HARBI1: variants seen among roughly 807,000 people sequenced by gnomAD.
HARBI1 encodes the protein putative nuclease HARBI1.
Under a neutral mutation model 25.3 loss-of-function variants are expected in HARBI1, and 15 were observed. The observed-to-expected ratio is 0.59, with a 90% CI of 0.40 to 0.91. The LOEUF is 0.91. HARBI1 is among the 40% of genes least tolerant of loss of function. The pLI is 0.00. For missense variants in HARBI1, 396 were observed against 445.8 expected (o/e 0.89, Z 1.01); for synonymous variants, 168 against 160.5 (o/e 1.05, Z -0.35).
intron 2 of HARBI1, among the ~76,000 whole-genome samples, chr11:46,609,804 C>G: frequency 6.9e-6 from 1 of 145,856 alleles, no homozygotes; most frequent in Non-Finnish European, 1.5e-5. Flanking sequence ...CTGGGCAACA[C>G]AGTGAGACCC....
intron 2 of HARBI1, among the ~76,000 whole-genome samples, chr11:46,614,957 G>A (rs1441963877): frequency 2.0e-5 from 3 of 152,064 alleles, no homozygotes; most frequent in Non-Finnish European, 4.4e-5. Context: ...TTGTTGCCCA[G>A]GCTAGAGTGC....
chr11:46,615,445 T>C (rs927691652), intron 2 of HARBI1, 123 bp downstream of exon 2: 2 of 757,544 alleles, frequency 2.6e-6, no homozygotes, highest in African/African-American at 3.5e-5. Context: ...CTCCAGCTCT[T>C]GACCTCAGGT....
At chr11:46,617,017 C>T in intron 1 of HARBI1, 107 bp downstream of exon 1, 1 of 985,234 alleles carries the variant, frequency 1.0e-6, no homozygotes, top group Non-Finnish European at 1.2e-6. Context: ...AGAGGCTGGC[C>T]GAACCAGGTT....
At chr11:46,609,834 A>T (rs2045103483) in intron 2 of HARBI1, among the ~76,000 whole-genome samples, 1 of 150,470 alleles carries the variant, frequency 6.6e-6, no homozygotes, top group Non-Finnish European at 1.5e-5. Context: ...AAAAAAAAAA[A>T]TAAATAAATA....
intron 2 of HARBI1, chr11:46,604,247 G>A (rs2044855725): frequency 1.9e-5 from 19 of 983,466 alleles, no homozygotes; most frequent in Non-Finnish European, 2.2e-5. Flanking sequence ...GGTGACTCAC[G>A]CCTGTAATGA....
At position 46,615,685 on chromosome 11, in the gene HARBI1, T is replaced by C; in HGVS notation, c.553A>G (p.Thr185Ala). ...NCLMVCDIRG[T>A]LMTVETNWPG... ...CAGTTTGTCTCCACGGTCATTAGTG[T>C]CCCTCTAATGTCACACACCATCAGG... Residue 185 changes from threonine to alanine, a missense_variant, in exon 2 of 3, where the codon ACA (threonine) becomes GCA (alanine). By Grantham distance (58) the Thr-to-Ala change is moderately conservative (BLOSUM62 0). Coordinates refer to ENST00000326737, the MANE Select transcript of HARBI1 (RefSeq NM_173811.4). 6.2e-7 allele frequency: 1 copy of C among 1,614,074 alleles called. No individual in the cohort carries two copies. Among genetic ancestry groups the C allele is most frequent in the South Asian group, 1.1e-5 (1 of 91,092 alleles).
intron 2 of HARBI1, among the ~76,000 whole-genome samples, chr11:46,611,423 G>A (rs1357290082): frequency 6.6e-6 from 1 of 152,086 alleles, no homozygotes; most frequent in Non-Finnish European, 1.5e-5. Flanking sequence ...AATAGTTAGG[G>A]AACCGGGCAG....
At chr11:46,615,532 T>A (rs772647833) in intron 2 of HARBI1, 36 bp downstream of exon 2, 9 of 1,591,336 alleles carry the variant, frequency 5.7e-6, no homozygotes, top group Non-Finnish European at 7.7e-6. Flanking sequence ...TTTCTATGCC[T>A]CCAAACAAAA....
chr11:46,603,773 G>A lies in HARBI1; in HGVS notation c.807C>T (p.Ser269=), dbSNP rs779781353. The change falls in exon 3 of 3, where the codon TCC becomes TCT. Residue 269 remains serine (S), a synonymous_variant. Coordinates refer to ENST00000326737, the MANE Select transcript of HARBI1 (RefSeq NM_173811.4). ...VIEKTFRTLC[S]RFRCLDGSKG... ...TGGATCCATCCAGGCAGCGGAATCGGGAGCAGAGGGTTCGGAAAGTCTTCT... is the reference window on the plus strand; with the variant it reads ...TGGATCCATCCAGGCAGCGGAATCGAGAGCAGAGGGTTCGGAAAGTCTTCT... 1.2e-6 allele frequency: 2 copies of A among 1,614,196 alleles called. No individual in the cohort carries two copies. Among genetic ancestry groups the A allele is most frequent in the Non-Finnish European group, 8.5e-7 (1 of 1,180,042 alleles).
intron 2 of HARBI1, among the ~76,000 whole-genome samples, chr11:46,611,643 C>G (rs547634304): frequency 8.0e-5 from 12 of 150,014 alleles, no homozygotes; most frequent in Non-Finnish European, 1.5e-4. Flanking sequence ...CCCAGGAGGT[C>G]AAGGCTGCAG....
chr11:46,617,530 G>A (rs1353101965), upstream of HARBI1: 1 of 258,446 alleles, frequency 3.9e-6, no homozygotes, highest in Admixed American at 5.7e-5. Flanking sequence ...TTCCCCCGTA[G>A]CCCTCTTTCA....
Position 46,603,589 on chromosome 11 carries a change from A to T in HARBI1, c.991T>A (p.Ser331Thr), listed in dbSNP as rs1488517980. ...ATACGGTCAGCCTCTAAGTCCAGGG[A>T]CTCCATGTGCTCATACTCCTCTTCC... ...PPEEEYEHME[S>T]LDLEADRIRQ... Residue 331 changes from serine to threonine, a missense_variant, in exon 3 of 3, where the codon TCC becomes ACC. Physicochemically the swap from Ser to Thr is moderately conservative, Grantham distance 58 (BLOSUM62 1). Coordinates refer to ENST00000326737, the MANE Select transcript of HARBI1 (RefSeq NM_173811.4). 3 of 1,613,514 alleles carry T rather than the reference A, an allele frequency of 1.9e-6. No individual in the cohort carries two copies. Among genetic ancestry groups the T allele is most frequent in the Non-Finnish European group, 2.5e-6 (3 of 1,179,776 alleles).
upstream of HARBI1, chr11:46,617,654 G>T (rs1475976640): frequency 2.5e-5 from 10 of 392,700 alleles, no homozygotes; most frequent in Admixed American, 4.4e-4. Context: ...ACCAGTGAGG[G>T]AAGCACTGAA....
intron 1 of HARBI1, chr11:46,616,764 G>C (rs2135425691): frequency 4.1e-6 from 4 of 972,610 alleles, no homozygotes; most frequent in South Asian, 9.6e-5. Context: ...AAAGACTTCT[G>C]GTTTCACCTG....
At chr11:46,610,646 G>A (rs186433251) in intron 2 of HARBI1, among the ~76,000 whole-genome samples, 158 of 152,204 alleles carry the variant, frequency 1.0e-3, no homozygotes, top group African/African-American at 3.5e-3. Flanking sequence ...GCGACAGAGC[G>A]AGACTCCGTC....
intron 2 of HARBI1, among the ~76,000 whole-genome samples, chr11:46,605,587 C>T (rs891045482): frequency 8.9e-5 from 8 of 90,216 alleles, no homozygotes; most frequent in Admixed American, 1.6e-4. Context: ...CAGGTATAAC[C>T]TTTTTTTTTT....
chr11:46,609,850 ATTTT>A (rs750558478), intron 2 of HARBI1, among the ~76,000 whole-genome samples: 2 of 124,934 alleles, frequency 1.6e-5, no homozygotes, highest in Non-Finnish European at 1.6e-5. Flanking sequence ...AAATAAAAGA[ATTTT>A]TTTTTTTTTT....
chr11:46,615,454 G>T, intron 2 of HARBI1, 114 bp downstream of exon 2: 6 of 802,130 alleles, frequency 7.5e-6, no homozygotes, highest in Non-Finnish European at 1.2e-5. Flanking sequence ...TTGACCTCAG[G>T]TGATCTACCG....
chr11:46,604,840 TAAGGAAATGAATTCAG>T (rs1253429828), intron 2 of HARBI1, among the ~76,000 whole-genome samples: 1 of 152,146 alleles, frequency 6.6e-6, no homozygotes, highest in Non-Finnish European at 1.5e-5. Context: ...TAGTTGGTGA[TAAGGAAATGAATTCAG>T]AAGTCAATTA....
Sources: gnomAD v4.1 joint callset for allele counts (sites outside exome capture counted in the v4.1 genomes callset) on GRCh38, gnomAD v4.1.1 for gene constraint, MANE v1.5 for transcripts, NCBI Gene and HGNC (gene_info 2026-07-23, HGNC 2026-07-21) for gene names.